The following ERC2 variants were observed in gnomAD, a reference collection of about 807,000 sequenced individuals.
ERC2 encodes the protein ELKS/RAB6-interacting/CAST family member 2, also known as ERC protein 2.
A neutral mutation model predicts 114.8 loss-of-function variants in ERC2; 42 were observed. That is an observed-to-expected ratio of 0.37 (90% confidence interval 0.29 to 0.47). ERC2 has a LOEUF of 0.47. Ranked by LOEUF, ERC2 falls within the 20% of genes least tolerant of loss-of-function variation. The pLI is 0.99. For synonymous variants in ERC2, 454 were observed against 425.5 expected (o/e 1.07, Z -0.82); for missense variants, 939 against 1,150.7 (o/e 0.82, Z 2.66).
chr3:55,799,403 A>G (rs1241383619), intron 14 of ERC2, among the ~76,000 whole-genome samples: 4 of 138,744 alleles, frequency 2.9e-5, no homozygotes, highest in Non-Finnish European at 4.5e-5. Context: ...ATGCATATAT[A>G]TATATGCCTT....
chr3:55,892,369 A>C (rs949045462), intron 13 of ERC2, among the ~76,000 whole-genome samples: 4 of 152,138 alleles, frequency 2.6e-5, no homozygotes, highest in Non-Finnish European at 5.9e-5. Context: ...AGTAGAAAAG[A>C]AATGTAGCCA....
chr3:55,711,544 T>C (rs922057765), intron 15 of ERC2, among the ~76,000 whole-genome samples: 26 of 152,228 alleles, frequency 1.7e-4, no homozygotes, highest in Non-Finnish European at 1.3e-4. Flanking sequence ...TCTATGCGTA[T>C]ACTTTTGTTT....
intron 17 of ERC2, among the ~76,000 whole-genome samples, chr3:55,666,298 A>G (rs1399473524): frequency 6.6e-6 from 1 of 151,914 alleles, no homozygotes; most frequent in African/African-American, 2.4e-5. Flanking sequence ...CCAAATCACC[A>G]TCTCCTCCCT....
intron 17 of ERC2, among the ~76,000 whole-genome samples, chr3:55,614,737 C>G (rs2059055643): frequency 6.6e-6 from 1 of 152,126 alleles, no homozygotes; most frequent in African/African-American, 2.4e-5. Context: ...AAAGTAGGCT[C>G]CAGTATTATC....
intron 17 of ERC2, among the ~76,000 whole-genome samples, chr3:55,548,165 C>T (rs1303982720): frequency 6.6e-6 from 1 of 152,236 alleles, no homozygotes; most frequent in East Asian, 1.9e-4. Context: ...TGACCTGTGG[C>T]CCCTACATTC....
At position 56,010,434 on chromosome 3, in the gene ERC2, T is replaced by C. The variant is rs1315802193; in HGVS notation, c.1920+15A>G. ...GAGGACTATCAATGTGGTTCATTTGTTTTTCCAGACTCACCTCTTTCTCAG... is the reference window on the plus strand; with the variant it reads ...GAGGACTATCAATGTGGTTCATTTGCTTTTCCAGACTCACCTCTTTCTCAG... On this transcript the variant is annotated intron_variant, in intron 9 of 17. Transcript: ENST00000288221. 3 of 1,611,250 alleles carry C rather than the reference T, an allele frequency of 1.9e-6. No individual in the cohort carries two copies. In the Admixed American group the frequency reaches 5.0e-5, roughly 27 times the overall value.
chr3:56,443,312 A>T (rs1431197114), intron 1 of ERC2, among the ~76,000 whole-genome samples: 1 of 152,230 alleles, frequency 6.6e-6, no homozygotes, highest in Non-Finnish European at 1.5e-5. Context: ...TAAAAGGGTA[A>T]TGTCTTCACC....
At chr3:55,630,302 T>G (rs191875344) in intron 17 of ERC2, among the ~76,000 whole-genome samples, 3 of 152,270 alleles carry the variant, frequency 2.0e-5, no homozygotes, top group South Asian at 2.1e-4. Flanking sequence ...CCTGAGTAGC[T>G]GGAATTACAG....
At chr3:56,013,992 G>A (rs929405330) in intron 8 of ERC2, among the ~76,000 whole-genome samples, 3 of 152,016 alleles carry the variant, frequency 2.0e-5, no homozygotes, top group Non-Finnish European at 4.4e-5. Flanking sequence ...CCTATCCAAC[G>A]GTTTTATCTG....
At position 56,215,851 on chromosome 3, in the gene ERC2, G is replaced by A. The variant is rs370418613; in HGVS notation, c.1075-42331C>T. 4.0e-3 allele frequency among the ~76,000 whole-genome samples: 604 copies of A among 152,204 alleles called. 3 individuals are homozygous for A. Among genetic ancestry groups the A allele is most frequent in the African/African-American group, 0.014 (572 of 41,530 alleles). Reference sequence around the variant, plus strand: ...AGGATTAAGAAACTCACTCAAAACCGCTCAACTACATGGAAACTGAACAAC... The same window carrying A: ...AGGATTAAGAAACTCACTCAAAACCACTCAACTACATGGAAACTGAACAAC... On this transcript the variant is annotated intron_variant, in intron 3 of 17. Transcript: ENST00000288221.
At chr3:56,219,935 C>T (rs982615364) in intron 3 of ERC2, among the ~76,000 whole-genome samples, 19 of 152,150 alleles carry the variant, frequency 1.2e-4, no homozygotes, top group African/African-American at 4.3e-4. Context: ...ATTGCCCACA[C>T]GTGGCTGTTA....
intron 2 of ERC2, among the ~76,000 whole-genome samples, chr3:56,311,253 C>CTA (rs1419051347): frequency 6.9e-5 from 3 of 43,528 alleles, no homozygotes; most frequent in Admixed American, 2.5e-4. Context: ...CTCTCTCTCT[C>CTA]TCTATATATA....
At chr3:56,039,239 A>C (rs536430567) in intron 7 of ERC2, among the ~76,000 whole-genome samples, 124 of 152,270 alleles carry the variant, frequency 8.1e-4, no homozygotes, top group Non-Finnish European at 1.5e-3. Context: ...AAACAGAAAA[A>C]AAGGAAAACC....
At chr3:55,596,266 A>T (rs2058122479) in intron 17 of ERC2, among the ~76,000 whole-genome samples, 1 of 152,230 alleles carries the variant, frequency 6.6e-6, no homozygotes, top group Non-Finnish European at 1.5e-5. Context: ...CAATAAATAC[A>T]AATAGCTTAA....
chr3:55,779,327 C>CAA lies in ERC2; in HGVS notation c.2565-44411_2565-44410dup, dbSNP rs60185894. 3.8e-3 allele frequency among the ~76,000 whole-genome samples: 240 copies of CAA among 62,422 alleles called. 1 individual carries two copies. Among genetic ancestry groups the CAA allele is most frequent in the Non-Finnish European group, 6.0e-3 (172 of 28,894 alleles). 41.0% of individuals were successfully genotyped at this position (62,422 alleles called of 152,430 possible). ...TGAAACCCCATCTCTACTAAAAATA[C>CAA]AAAAAAAAAAAAAAAAAAAAAAAAA... On this transcript the variant is annotated intron_variant, in intron 14 of 17. Transcript: ENST00000288221.
At chr3:56,118,027 T>A (rs2149847219) in intron 6 of ERC2, among the ~76,000 whole-genome samples, 1 of 152,306 alleles carries the variant, frequency 6.6e-6, no homozygotes, top group Non-Finnish European at 1.5e-5. Flanking sequence ...GAAGCAGCCC[T>A]TTTAATTATT....
chr3:55,681,275 T>G (rs376450155), intron 17 of ERC2, among the ~76,000 whole-genome samples: 18 of 152,318 alleles, frequency 1.2e-4, no homozygotes, highest in African/African-American at 4.1e-4. Context: ...TTAGAGTGAC[T>G]TTTTCTAAAT....
At chr3:55,684,860 G>A (rs946814676) in intron 16 of ERC2, among the ~76,000 whole-genome samples, 1 of 152,114 alleles carries the variant, frequency 6.6e-6, no homozygotes, top group Admixed American at 6.5e-5. Flanking sequence ...TAGGTCTCCA[G>A]TGAAGTCAGA....
rs539186635 is a variant in ERC2, at chr3:56,259,226, C to A, written c.1074+36793G>T. Among the ~76,000 whole-genome samples the A allele has an allele frequency of 4.6e-5, 7 of 152,220 alleles. 1 individual carries two copies. The highest frequency in any genetic ancestry group is 2.1e-4 in the South Asian group (1 of 4,816). On this transcript the variant is annotated intron_variant, in intron 3 of 17. Coordinates refer to ENST00000288221, the MANE Select transcript of ERC2 (RefSeq NM_015576.3). ...ACCTCAGGTGATCCACCCACCGCAG[C>A]CTCCCAAAGCTCTGGGATTACAGGA...
Sources: allele counts gnomAD v4.1 joint callset (sites outside exome capture counted in the v4.1 genomes callset), GRCh38; gene constraint gnomAD v4.1.1; transcripts MANE v1.5; gene names NCBI Gene and HGNC (gene_info 2026-07-23, HGNC 2026-07-21).